Variants in BCAR3 observed in about 807,000 individuals in gnomAD.
The protein encoded by BCAR3 is BCAR3 adaptor protein, NSP family member, also known as breast cancer anti-estrogen resistance protein 3.
In BCAR3, 37 loss-of-function variants were observed where a neutral mutation model predicts 80.1. The ratio of observed to expected loss-of-function variants is 0.46; its 90% CI spans 0.36 to 0.61. The LOEUF (loss-of-function observed/expected upper bound fraction) is 0.61. Among genes scored for constraint, BCAR3 ranks in the 20% least tolerant of loss-of-function variants. The pLI is 0.00. For missense variants in BCAR3, 978 were observed against 1,068.2 expected (o/e 0.92, Z 1.18); for synonymous variants, 389 against 418.9 (o/e 0.93, Z 0.87).
chr1:93,653,685 G>A (rs536425998), intron 2 of BCAR3, among the ~76,000 whole-genome samples: 5 of 152,310 alleles, frequency 3.3e-5, no homozygotes, highest in Admixed American at 1.3e-4. Flanking sequence ...TCAGGTTGGC[G>A]AGAAGGTGCC....
intron 2 of BCAR3, among the ~76,000 whole-genome samples, chr1:93,784,049 C>T (rs1172498946): frequency 6.6e-6 from 1 of 152,162 alleles, no homozygotes; most frequent in African/African-American, 2.4e-5. Context: ...ACCAAGGCCC[C>T]AGGGCCTCAA....
intron 3 of BCAR3, among the ~76,000 whole-genome samples, chr1:93,618,162 C>G (rs1276717848): frequency 6.6e-6 from 1 of 152,254 alleles, no homozygotes; most frequent in Non-Finnish European, 1.5e-5. Flanking sequence ...TGATTGATTT[C>G]TTGCTCCGAA....
intron 1 of BCAR3, chr1:93,681,203 G>C (rs988846176): frequency 3.3e-5 from 5 of 152,194 alleles, no homozygotes; most frequent in African/African-American, 4.8e-5. Context: ...AAGAGGGGAC[G>C]GGCGGGACAG....
intron 2 of BCAR3, among the ~76,000 whole-genome samples, chr1:93,717,719 C>CAAA (rs1230098499): frequency 2.4e-4 from 14 of 57,584 alleles, no homozygotes; most frequent in African/African-American, 6.6e-4. Context: ...GACTCCACCT[C>CAAA]AAAAAAAAAA....
At chr1:93,589,568 T>C in intron 4 of BCAR3, 149 bp from the exon 5 acceptor site, 1 of 720,842 alleles carries the variant, frequency 1.4e-6, no homozygotes. Flanking sequence ...AAGATCAAAT[T>C]CATAGAAGAG....
At chr1:93,649,443 G>C (rs1676253183) in intron 2 of BCAR3, among the ~76,000 whole-genome samples, 1 of 152,088 alleles carries the variant, frequency 6.6e-6, no homozygotes, top group Admixed American at 6.6e-5. Flanking sequence ...AGAGCTTGAG[G>C]TTTAGCCAAA....
chr1:93,716,863 T>C (rs1650207749), intron 2 of BCAR3, among the ~76,000 whole-genome samples: 1 of 152,200 alleles, frequency 6.6e-6, no homozygotes, highest in South Asian at 2.1e-4. Flanking sequence ...GAGATGGACA[T>C]GCTCTCAGGA....
At chr1:93,842,448 G>A (rs1274615666) in intron 2 of BCAR3, among the ~76,000 whole-genome samples, 2 of 152,068 alleles carry the variant, frequency 1.3e-5, no homozygotes, top group Admixed American at 1.3e-4. Context: ...TACCTACCAC[G>A]CCTGGACTAT....
At chr1:93,733,720 C>T (rs1007682496) in intron 2 of BCAR3, among the ~76,000 whole-genome samples, 12 of 152,198 alleles carry the variant, frequency 7.9e-5, no homozygotes, top group Admixed American at 3.3e-4. Flanking sequence ...CATATGTGTG[C>T]ACACATGTGT....
chr1:93,630,047 T>G (rs1013625405), intron 3 of BCAR3, among the ~76,000 whole-genome samples: 3 of 152,184 alleles, frequency 2.0e-5, no homozygotes, highest in Non-Finnish European at 4.4e-5. Context: ...TTCCCTAAAT[T>G]TAAGTGCCCA....
chr1:93,692,746 G>A (rs1649239975), intron 3 of BCAR3, among the ~76,000 whole-genome samples: 1 of 152,246 alleles, frequency 6.6e-6, no homozygotes, highest in African/African-American at 2.4e-5. Context: ...GAGTGAGTGG[G>A]AGAGTTTGGG....
chr1:93,690,331 T>C (rs1367958120), intron 3 of BCAR3, among the ~76,000 whole-genome samples: 1 of 152,222 alleles, frequency 6.6e-6, no homozygotes, highest in Non-Finnish European at 1.5e-5. Context: ...TTACTTTTAT[T>C]TTGTTTTATA....
At chr1:93,770,624 G>T (rs142993107) in intron 2 of BCAR3, among the ~76,000 whole-genome samples, 1 of 152,184 alleles carries the variant, frequency 6.6e-6, no homozygotes, top group South Asian at 2.1e-4. Context: ...TACAGAGGGG[G>T]TGGGTAGAAA....
intron 2 of BCAR3, among the ~76,000 whole-genome samples, chr1:93,735,457 G>A (rs1480693905): frequency 6.6e-6 from 1 of 152,150 alleles, no homozygotes; most frequent in African/African-American, 2.4e-5. Context: ...AGGCACTTTT[G>A]CTTTCGGAGA....
intron 3 of BCAR3, among the ~76,000 whole-genome samples, chr1:93,608,401 T>A (rs1674844822): frequency 1.3e-5 from 2 of 152,174 alleles, no homozygotes; most frequent in Non-Finnish European, 2.9e-5. Flanking sequence ...GCCCCCAAGC[T>A]ATCACTGACA....
intron 1 of BCAR3, among the ~76,000 whole-genome samples, chr1:93,680,421 T>C (rs1229408578): frequency 3.3e-5 from 5 of 152,186 alleles, no homozygotes; most frequent in Non-Finnish European, 7.3e-5. Context: ...GCTTTGCCTG[T>C]GGGCTTCCCA....
intron 2 of BCAR3, among the ~76,000 whole-genome samples, chr1:93,811,710 G>A (rs1653851823): frequency 6.6e-6 from 1 of 152,094 alleles, no homozygotes; most frequent in Non-Finnish European, 1.5e-5. Context: ...TGGCTTTCTG[G>A]GTTCAGAAAC....
At chr1:93,568,375 T>A (rs1258767388) in intron 9 of BCAR3, among the ~76,000 whole-genome samples, 9 of 152,152 alleles carry the variant, frequency 5.9e-5, no homozygotes, top group Non-Finnish European at 1.0e-4. Flanking sequence ...TGCTTGTGCG[T>A]GTGTGTTTCA....
chr1:93,777,706 T>C (rs1044235813), intron 2 of BCAR3, among the ~76,000 whole-genome samples: 8 of 152,150 alleles, frequency 5.3e-5, no homozygotes, highest in Admixed American at 3.3e-4. Context: ...ATTACAGGCA[T>C]GAGCCACCAC....
Sources: allele counts gnomAD v4.1 joint callset (sites outside exome capture counted in the v4.1 genomes callset), GRCh38; gene constraint gnomAD v4.1.1; transcripts MANE v1.5; gene names NCBI Gene and HGNC (gene_info 2026-07-23, HGNC 2026-07-21).